The following RBMS3 variants were observed in gnomAD, a reference collection of about 807,000 sequenced individuals.
RBMS3 encodes RNA-binding motif, single-stranded-interacting protein 3.
A neutral mutation model predicts 66.8 loss-of-function variants in RBMS3; 27 were observed. The ratio of observed to expected loss-of-function variants is 0.40; its 90% CI spans 0.30 to 0.56. The LOEUF is 0.56. Among genes scored for constraint, RBMS3 ranks in the 20% least tolerant of loss-of-function variants. RBMS3 has a pLI of 0.40. For missense variants in RBMS3, 513 were observed against 549.5 expected (o/e 0.93, Z 0.66); for synonymous variants, 188 against 183.0 (o/e 1.03, Z -0.22).
At chr3:29,796,712 C>CTTTTTTTTTTTT (rs71295051) in intron 6 of RBMS3, among the ~76,000 whole-genome samples, 7,399 of 114,448 alleles carry the variant, frequency 0.065, 703 homozygotes, top group Non-Finnish European at 0.078. Context: ...TGAAAGGAAT[C>CTTTTTTTTTTTT]TTTTTTTTTT....
intron 3 of RBMS3, among the ~76,000 whole-genome samples, chr3:29,579,404 T>G (rs1354193067): frequency 1.3e-5 from 2 of 152,160 alleles, no homozygotes; most frequent in Non-Finnish European, 2.9e-5. Flanking sequence ...TTACCTCTAT[T>G]CCTTGTATGG....
intron 14 of RBMS3, among the ~76,000 whole-genome samples, chr3:29,993,820 T>G (rs1471482354): frequency 6.6e-6 from 1 of 152,186 alleles, no homozygotes; most frequent in Non-Finnish European, 1.5e-5. Flanking sequence ...CTCTCCTGGG[T>G]CTCCAGTCTG....
chr3:29,625,621 C>G (rs1401841138), intron 4 of RBMS3, among the ~76,000 whole-genome samples: 1 of 151,846 alleles, frequency 6.6e-6, no homozygotes, highest in African/African-American at 2.4e-5. Flanking sequence ...TCACTTGAAC[C>G]TGGGAGGTGG....
intron 6 of RBMS3, among the ~76,000 whole-genome samples, chr3:29,833,886 C>T (rs1382390779): frequency 1.2e-4 from 18 of 151,896 alleles, no homozygotes; most frequent in Admixed American, 1.2e-3. Context: ...ACATTAAAAT[C>T]AAATTGTCAA....
intron 1 of RBMS3, among the ~76,000 whole-genome samples, chr3:29,350,815 A>G (rs1191340880): frequency 2.0e-5 from 3 of 152,152 alleles, no homozygotes; most frequent in Non-Finnish European, 4.4e-5. Context: ...TACTGCACAG[A>G]TAAGCCTTTT....
chr3:29,894,722 A>G (rs1210074892), intron 8 of RBMS3, among the ~76,000 whole-genome samples: 3 of 151,598 alleles, frequency 2.0e-5, no homozygotes, highest in Non-Finnish European at 3.0e-5. Flanking sequence ...ACCACTTCAG[A>G]TAGTGATAAG....
chr3:29,692,846 T>C (rs1033896076), intron 4 of RBMS3, among the ~76,000 whole-genome samples: 1 of 152,186 alleles, frequency 6.6e-6, no homozygotes, highest in African/African-American at 2.4e-5. Context: ...CATGCTCTCT[T>C]TTCTTTAGGA....
intron 3 of RBMS3, among the ~76,000 whole-genome samples, chr3:29,532,433 C>T (rs2045401090): frequency 2.0e-5 from 3 of 151,630 alleles, no homozygotes; most frequent in Non-Finnish European, 4.4e-5. Flanking sequence ...CAGTTTCCTC[C>T]TTGCCAACAC....
At chr3:29,331,121 G>C (rs910179365) in intron 1 of RBMS3, among the ~76,000 whole-genome samples, 5 of 152,102 alleles carry the variant, frequency 3.3e-5, no homozygotes, top group Non-Finnish European at 5.9e-5. Context: ...GATGGGATAA[G>C]CCTGTCCTCT....
chr3:29,711,901 C>A (rs1576590251), intron 4 of RBMS3, among the ~76,000 whole-genome samples: 1 of 152,148 alleles, frequency 6.6e-6, no homozygotes, highest in East Asian at 1.9e-4. Context: ...CTAGCATAAC[C>A]ATTAAAGGTT....
At chr3:29,580,570 T>G (rs1317320037) in intron 3 of RBMS3, among the ~76,000 whole-genome samples, 1 of 151,904 alleles carries the variant, frequency 6.6e-6, no homozygotes, top group African/African-American at 2.4e-5. Context: ...ATTTATCAAC[T>G]CTACTAGACA....
intron 4 of RBMS3, among the ~76,000 whole-genome samples, chr3:29,704,166 C>G (rs535489929): frequency 1.3e-5 from 2 of 152,258 alleles, no homozygotes; most frequent in South Asian, 4.2e-4. Flanking sequence ...TAGAAATAAA[C>G]TGCACAATAA....
At chr3:29,289,944 A>AT (rs1053799883) in intron 1 of RBMS3, among the ~76,000 whole-genome samples, 4 of 151,800 alleles carry the variant, frequency 2.6e-5, no homozygotes, top group South Asian at 2.1e-4. Context: ...TTTAATATGG[A>AT]TTTTTTTAGA....
At chr3:29,552,332 G>T in intron 3 of RBMS3, among the ~76,000 whole-genome samples, 1 of 152,070 alleles carries the variant, frequency 6.6e-6, no homozygotes, top group East Asian at 1.9e-4. Flanking sequence ...GATCTAAACT[G>T]CCACACTCTC....
chr3:29,497,191 A>G (rs980442758), intron 3 of RBMS3, among the ~76,000 whole-genome samples: 23 of 152,042 alleles, frequency 1.5e-4, no homozygotes. Context: ...TTGTATTTTT[A>G]GTAGAGACGG....
intron 2 of RBMS3, among the ~76,000 whole-genome samples, chr3:29,469,552 A>T (rs2042649123): frequency 6.6e-6 from 1 of 151,960 alleles, no homozygotes; most frequent in Admixed American, 6.6e-5. Context: ...GCAGTCTCTT[A>T]CACCATCATG....
At chr3:29,290,238 TATATTTTTTAA>T (rs1575476145) in intron 1 of RBMS3, among the ~76,000 whole-genome samples, 2 of 151,874 alleles carry the variant, frequency 1.3e-5, no homozygotes, top group African/African-American at 4.8e-5. Context: ...TTCAAGCAAA[TATATTTTTTAA>T]CTAGTTTTGA....
intron 6 of RBMS3, among the ~76,000 whole-genome samples, chr3:29,781,457 A>G (rs146306393): frequency 4.3e-4 from 65 of 152,070 alleles, no homozygotes; most frequent in African/African-American, 1.5e-3. Context: ...GAATATTTTG[A>G]TTGCTATTAG....
intron 4 of RBMS3, among the ~76,000 whole-genome samples, chr3:29,714,599 C>T (rs1444823058): frequency 2.0e-5 from 3 of 152,136 alleles, no homozygotes; most frequent in South Asian, 2.1e-4. Flanking sequence ...GACAGATATA[C>T]ATGAGAATGA....
Sources: allele counts gnomAD v4.1 joint callset (sites outside exome capture counted in the v4.1 genomes callset), GRCh38; gene constraint gnomAD v4.1.1; transcripts MANE v1.5; gene names NCBI Gene and HGNC (gene_info 2026-07-23, HGNC 2026-07-21).